Variants in LRRTM1 observed in about 807,000 individuals in gnomAD.
LRRTM1 encodes leucine-rich repeat transmembrane neuronal protein 1.
In LRRTM1, 8 loss-of-function variants were observed where a neutral mutation model predicts 37.3. The ratio of observed to expected loss-of-function variants is 0.21; its 90% CI spans 0.13 to 0.39. The LOEUF is 0.39. Ranked by LOEUF, LRRTM1 falls within the 10% of genes least tolerant of loss-of-function variation. The probability of loss-of-function intolerance (pLI) is 1.00; values close to 1 mark genes in which losing one functional copy is unlikely to be tolerated. For missense variants in LRRTM1, 557 were observed against 691.0 expected (o/e 0.81, Z 2.17); for synonymous variants, 326 against 316.8 (o/e 1.03, Z -0.31).
downstream of LRRTM1, among the ~76,000 whole-genome samples, chr2:80,297,314 C>T (rs1675834108): frequency 6.6e-6 from 1 of 152,166 alleles, no homozygotes; most frequent in Non-Finnish European, 1.5e-5. Flanking sequence ...TTAGCACATC[C>T]CAGTGCTTCC....
Position 80,303,459 on chromosome 2 carries a change from T to G in LRRTM1, c.361A>C (p.Ser121Arg). 3 of 1,614,200 alleles carry G rather than the reference T, an allele frequency of 1.9e-6. No homozygotes were observed. The highest frequency in any genetic ancestry group is 2.5e-6 in the Non-Finnish European group (3 of 1,180,048). ...GGCAGTTGGGTGATCTGGTTGGAAC[T>G]CAGCGTGAGTTCCTTAACTCGGCGC... ...KLRRVKELTL[S>R]SNQITQLPNT... Residue 121 changes from serine (S) to arginine (R), a missense_variant, in exon 2 of 2, where the codon AGT (serine) becomes CGT (arginine). This residue lies in a region of LRRTM1 where 38 missense variants were observed against 72.9 expected (regional missense o/e 0.52). Coordinates refer to ENST00000295057, the MANE Select transcript of LRRTM1 (RefSeq NM_178839.5). This position sits in a 1 kb window ranked among gnomAD's most constrained non-coding sequence, Gnocchi z 7.7.
At chr2:80,288,706 G>A (rs1674981032) in exon 3 of LRRTM1, 2 of 152,326 alleles carry the variant, frequency 1.3e-5, no homozygotes, top group African/African-American at 4.8e-5. Flanking sequence ...AGGAAGCTTG[G>A]CAGGGCACCA....
At chr2:80,297,276 G>C (rs1675830682), downstream of LRRTM1, among the ~76,000 whole-genome samples, 2 of 152,180 alleles carry the variant, frequency 1.3e-5, no homozygotes. Flanking sequence ...TAAAGAAACA[G>C]TGTGTAGTGA....
chr2:80,289,780 A>G (rs974524197), intron 2 of LRRTM1, among the ~76,000 whole-genome samples: 1 of 152,190 alleles, frequency 6.6e-6, no homozygotes, highest in Admixed American at 6.5e-5. Flanking sequence ...AGACTGTGTT[A>G]TACGGTAGGG....
chr2:80,297,537 A>G (rs1053968181), downstream of LRRTM1, among the ~76,000 whole-genome samples: 1 of 152,134 alleles, frequency 6.6e-6, no homozygotes, highest in Non-Finnish European at 1.5e-5. Context: ...CACTTTGAGT[A>G]AAAAAAGCAA....
chr2:80,296,323 A>G (rs538784671), intron 2 of LRRTM1, among the ~76,000 whole-genome samples: 11 of 152,276 alleles, frequency 7.2e-5, no homozygotes, highest in African/African-American at 2.6e-4. Context: ...TGGAAGGAAT[A>G]TCAAGTTTCT....
chr2:80,289,658 C>G (rs1675067621), intron 2 of LRRTM1, among the ~76,000 whole-genome samples: 1 of 152,154 alleles, frequency 6.6e-6, no homozygotes, highest in African/African-American at 2.4e-5. Flanking sequence ...CTCTGATAAT[C>G]TTCCTAAAAA....
rs17040692 is a variant in LRRTM1 at position 80,294,134 on chromosome 2, A to T, written c.*307-4939T>A. On this transcript the variant is annotated intron_variant and NMD_transcript_variant, in intron 2 of 2. Coordinates refer to the LRRTM1 transcript ENST00000417012. ...AGCGGGAGAAGGACTCAGAATTTAG[A>T]AGAGACATTTCTCAGTGCCAGCCCA... is the stretch of plus-strand genomic sequence containing the variant. Among the ~76,000 whole-genome samples, 847 of 152,238 alleles carry T rather than the reference A, an allele frequency of 5.6e-3. 12 individuals are homozygous for T. Among genetic ancestry groups the T allele is most frequent in the African/African-American group, 0.02 (814 of 41,538 alleles).
downstream of LRRTM1, among the ~76,000 whole-genome samples, chr2:80,300,281 G>GGGGGGTGTGT (rs1353283390): frequency 1.1e-5 from 1 of 93,108 alleles, no homozygotes; most frequent in Non-Finnish European, 2.2e-5. Context: ...GGGGTGTTGG[G>GGGGGGTGTGT]GTGTGTGTGT....
At position 80,302,864 on chromosome 2, in the gene LRRTM1, C is replaced by T. The variant is rs769263998; in HGVS notation, c.956G>A (p.Gly319Glu). The change falls in exon 2 of 2, where the codon GGG becomes GAG. Residue 319 changes from glycine to glutamate, a missense_variant. Coordinates refer to ENST00000295057, the MANE Select transcript of LRRTM1 (RefSeq NM_178839.5). This position sits in a 1 kb window ranked among gnomAD's most constrained non-coding sequence, Gnocchi z 6.4. ...CGAGGCTAGGGCACACACGTTGCGC[C>T]CGCAATCCCACAGGTTCCCGGCCAG... ...ITLAGNLWDC[G>E]RNVCALASWL... 6.2e-6 allele frequency: 10 copies of T among 1,614,024 alleles called. No homozygotes were observed. Among genetic ancestry groups the T allele is most frequent in the African/African-American group, 5.3e-5 (4 of 74,932 alleles).
intron 2 of LRRTM1, among the ~76,000 whole-genome samples, chr2:80,294,352 G>A (rs1231014575): frequency 1.3e-5 from 2 of 152,106 alleles, no homozygotes; most frequent in African/African-American, 2.4e-5. Context: ...ATGCTTGCAC[G>A]TCTTTCTTCT....
Position 80,303,154 on chromosome 2 carries a change from G to A in LRRTM1, c.666C>T (p.Val222=), listed in dbSNP as rs140201940. The change falls in exon 2 of 2, where the codon GTC becomes GTT. Residue 222 remains valine, a synonymous_variant. Transcript: ENST00000295057. This position sits in a 1 kb window ranked among gnomAD's most constrained non-coding sequence, Gnocchi z 7.7. ...GCGGGAAGTGGGCGAAGTTCACCTT[G>A]ACCAAGTCGTTGTGCTCGAGGTGCA... ...TELHLEHNDL[V]KVNFAHFPRL... 6.2e-7 allele frequency: 1 copy of A among 1,614,008 alleles called. No homozygotes were observed. The highest frequency in any genetic ancestry group is 1.3e-5 in the African/African-American group (1 of 74,916).
Position 80,303,224 on chromosome 2 carries a change from C to T in LRRTM1, c.596G>A (p.Ser199Asn). 6.2e-7 allele frequency: 1 copy of T among 1,613,878 alleles called. No individual in the cohort carries two copies. The highest frequency in any genetic ancestry group is 8.5e-7 in the Non-Finnish European group (1 of 1,179,962). Residue 199 changes from serine (S) to asparagine (N), a missense_variant, in exon 2 of 2, where the codon AGT becomes AAT. Transcript: ENST00000295057. This position sits in a 1 kb window ranked among gnomAD's most constrained non-coding sequence, Gnocchi z 7.7. ...FLDIGYNQLK[S>N]LARNSFAGLF... is the part of the protein sequence containing the mutation. ...GCCGGCGAAAGAGTTGCGCGCCAGA[C>T]TCTTGAGCTGATTGTATCCGATGTC...
intron 2 of LRRTM1, among the ~76,000 whole-genome samples, chr2:80,291,554 A>G (rs1675242433): frequency 6.6e-6 from 1 of 152,252 alleles, no homozygotes; most frequent in Admixed American, 6.5e-5. Context: ...ACAAAGAAAA[A>G]GCTTCTTTAA....
chr2:80,300,093 C>T (rs1375100211), downstream of LRRTM1, among the ~76,000 whole-genome samples: 1 of 152,106 alleles, frequency 6.6e-6, no homozygotes, highest in African/African-American at 2.4e-5. Context: ...TTTAGAAAGG[C>T]AAACCCAAAT....
chr2:80,302,831 T>C lies in LRRTM1; in HGVS notation c.989A>G (p.Asn330Ser), dbSNP rs6733871. ...GCCATCGTAGCGCCCCTGGAAGTTG[T>C]TGAGCCACGAGGCTAGGGCACACAC... is the stretch of plus-strand genomic sequence containing the variant. ...RNVCALASWL[N>S]NFQGRYDGNL... The change falls in exon 2 of 2, where the codon AAC becomes AGC. Residue 330 changes from asparagine to serine, a missense_variant. Transcript: ENST00000295057. This position sits in a 1 kb window ranked among gnomAD's most constrained non-coding sequence, Gnocchi z 6.4. 0.22 allele frequency: 351,320 copies of C among 1,613,676 alleles called. 45,305 individuals are homozygous for C. The highest frequency in any genetic ancestry group is 0.54 in the East Asian group (23,995 of 44,824).
downstream of LRRTM1, among the ~76,000 whole-genome samples, chr2:80,297,675 A>ATGTTTCTTAACC (rs559457504): frequency 2.8e-4 from 42 of 152,250 alleles, no homozygotes; most frequent in East Asian, 6.6e-3. Flanking sequence ...ATGGAAAAAT[A>ATGTTTCTTAACC]CTGAGGTGGA....
chr2:80,301,311 C>T (rs116616912), downstream of LRRTM1, among the ~76,000 whole-genome samples: 847 of 152,274 alleles, frequency 5.6e-3, 8 homozygotes, highest in African/African-American at 0.02. Flanking sequence ...TTCCCCTCAG[C>T]CAGACCAAAG....
chr2:80,289,240 A>G (rs1675029757), intron 2 of LRRTM1: 1 of 152,166 alleles, frequency 6.6e-6, no homozygotes, highest in Non-Finnish European at 1.5e-5. Flanking sequence ...AATAAAAGGC[A>G]GTCACCTGAG....
Sources: gnomAD v4.1 joint callset for allele counts (sites outside exome capture counted in the v4.1 genomes callset) on GRCh38, gnomAD v4.1.1 for gene constraint, gnomAD v4.1.1 regional missense constraint, Gnocchi (gnomAD v3.1) non-coding constraint, MANE v1.5 for transcripts, NCBI Gene and HGNC (gene_info 2026-07-23, HGNC 2026-07-21) for gene names.